AGAP5: variants seen among roughly 807,000 people sequenced by gnomAD.
AGAP5 encodes arf-GAP with GTPase, ANK repeat and PH domain-containing protein 5.
A neutral mutation model predicts 27.7 loss-of-function variants in AGAP5; 8 were observed. That is an observed-to-expected ratio of 0.29 (90% CI 0.17 to 0.52). AGAP5 has a LOEUF of 0.52. Ranked by LOEUF, AGAP5 falls within the 20% of genes least tolerant of loss-of-function variation. The pLI is 0.97. For missense variants in AGAP5, 285 were observed against 880.8 expected (o/e 0.32, Z 8.56); for synonymous variants, 111 against 338.0 (o/e 0.33, Z 7.37).
At chr10:73,677,621 G>A (rs927331796) in intron 6 of AGAP5, among the ~76,000 whole-genome samples, 4 of 151,724 alleles carry the variant, frequency 2.6e-5, no homozygotes, top group Admixed American at 6.6e-5. Flanking sequence ...CCTAACCTCA[G>A]GCGATCCACT....
chr10:73,677,804 A>T (rs577751700), intron 6 of AGAP5, among the ~76,000 whole-genome samples: 1 of 152,200 alleles, frequency 6.6e-6, no homozygotes, highest in East Asian at 1.9e-4. Flanking sequence ...TGATTGTATA[A>T]AAGCAAAAGT....
Position 73,686,563 on chromosome 10 carries a change from A to G in AGAP5, c.397-3769T>C, listed in dbSNP as rs187246148. ...AAACAAATAGGTGAGACTCAACTAAAGAGCTTCTGCACAGGAAGAGGAACA... is the reference window on the plus strand; with the variant it reads ...AAACAAATAGGTGAGACTCAACTAAGGAGCTTCTGCACAGGAAGAGGAACA... On this transcript the variant is annotated intron_variant, in intron 4 of 7. Coordinates refer to ENST00000374094, the MANE Select transcript of AGAP5 (RefSeq NM_001144000.4). Among the ~76,000 whole-genome samples the G allele has an allele frequency of 7.9e-5, 12 of 152,378 alleles. No individual in the cohort carries two copies. The East Asian group carries it at 2.1e-3, about 27-fold the overall frequency.
chr10:73,676,303 A>G (rs2081978793), intron 7 of AGAP5, among the ~76,000 whole-genome samples: 1 of 139,690 alleles, frequency 7.2e-6, no homozygotes, highest in Non-Finnish European at 1.6e-5. Flanking sequence ...AAAAAAAAAA[A>G]AAAAAGAAAA....
At chr10:73,689,010 C>T (rs2082088661) in intron 4 of AGAP5, among the ~76,000 whole-genome samples, 1 of 152,156 alleles carries the variant, frequency 6.6e-6, no homozygotes, top group African/African-American at 2.4e-5. Context: ...GCCTCCGCCT[C>T]TCCCCACAGT....
At chr10:73,686,313 C>T (rs912792360) in intron 4 of AGAP5, among the ~76,000 whole-genome samples, 6 of 152,172 alleles carry the variant, frequency 3.9e-5, no homozygotes, top group Non-Finnish European at 8.8e-5. Context: ...AGAAAGTAAA[C>T]CCTATTCAAC....
At chr10:73,689,198 G>C (rs140479106) in intron 4 of AGAP5, among the ~76,000 whole-genome samples, 8 of 152,250 alleles carry the variant, frequency 5.3e-5, no homozygotes, top group Non-Finnish European at 1.0e-4. Flanking sequence ...TCTGTTGGCC[G>C]GGCTGGTCTC....
chr10:73,694,117 T>C (rs1286382163), intron 3 of AGAP5, among the ~76,000 whole-genome samples: 5 of 152,220 alleles, frequency 3.3e-5, no homozygotes, highest in Non-Finnish European at 7.3e-5. Flanking sequence ...TGTGTATGGC[T>C]TGTTGGCAAA....
intron 4 of AGAP5, among the ~76,000 whole-genome samples, chr10:73,691,370 G>C (rs1340836590): frequency 3.3e-5 from 5 of 152,168 alleles, no homozygotes; most frequent in South Asian, 2.1e-4. Context: ...ATAAGATCAT[G>C]GTGTAGCGGG....
At position 73,675,226 on chromosome 10, in the gene AGAP5, G is replaced by A. The variant is rs1326623701; in HGVS notation, c.1434C>T (p.His478=). 6.4e-7 allele frequency: 1 copy of A among 1,561,072 alleles called. No individual in the cohort carries two copies. The highest frequency in any genetic ancestry group is 2.2e-5 in the East Asian group (1 of 44,850). ...GATTCTGGGTCTCATAGTCCACACA[G>A]TGGGCGTTCCCACGCATGTTTTGGA... ...QSIQNMRGNA[H]CVDYETQNPK... Residue 478 remains histidine, a synonymous_variant, in exon 8 of 8, where the codon CAC becomes CAT. Coordinates refer to ENST00000374094, the MANE Select transcript of AGAP5 (RefSeq NM_001144000.4).
intron 3 of AGAP5, among the ~76,000 whole-genome samples, chr10:73,692,281 CTT>C (rs2082126221): frequency 6.6e-6 from 1 of 151,856 alleles, no homozygotes; most frequent in African/African-American, 2.4e-5. Flanking sequence ...ATTTAGTTTA[CTT>C]TTTGTTTCTA....
intron 6 of AGAP5, among the ~76,000 whole-genome samples, chr10:73,679,339 T>C (rs1347393995): frequency 6.6e-6 from 1 of 152,008 alleles, no homozygotes; most frequent in Non-Finnish European, 1.5e-5. Context: ...AGTTTTTGTA[T>C]TTTTAGTAGA....
chr10:73,698,106 G>C lies in AGAP5; in HGVS notation c.-351C>G, dbSNP rs963480991. The C allele has an allele frequency of 3.9e-6, 5 of 1,270,774 alleles. No individual in the cohort carries two copies. The African/African-American group carries it at 7.6e-5, about 19-fold the overall frequency. 78.7% of individuals were successfully genotyped at this position (1,270,774 alleles called of 1,614,324 possible). On this transcript the variant is annotated 5_prime_UTR_variant, in exon 1 of 8. Coordinates refer to ENST00000374094, the MANE Select transcript of AGAP5 (RefSeq NM_001144000.4). ...CCTCCTCCTTCTGTAGTCACCTACAGACTGAAGCCCACTGGCCCCAGGTGG... is the reference window on the plus strand; with the variant it reads ...CCTCCTCCTTCTGTAGTCACCTACACACTGAAGCCCACTGGCCCCAGGTGG...
chr10:73,697,381 A>C (rs2082169542), intron 1 of AGAP5, among the ~76,000 whole-genome samples, 152 bp downstream of exon 1: 1 of 151,970 alleles, frequency 6.6e-6, no homozygotes, highest in African/African-American at 2.4e-5. Context: ...GTGGGAATTC[A>C]AGGCAGAGCC....
At chr10:73,678,025 T>C (rs1357231073) in intron 6 of AGAP5, among the ~76,000 whole-genome samples, 1 of 152,216 alleles carries the variant, frequency 6.6e-6, no homozygotes, top group East Asian at 1.9e-4. Flanking sequence ...TTTTTTTTTG[T>C]TTTTAAAGAA....
intron 4 of AGAP5, among the ~76,000 whole-genome samples, chr10:73,683,531 G>A (rs1280945818): frequency 5.0e-5 from 6 of 120,704 alleles, no homozygotes; most frequent in African/African-American, 1.6e-4. Flanking sequence ...GCGCGATCTC[G>A]GCTCACTGCA....
chr10:73,674,459 G>T lies in AGAP5; in HGVS notation c.*140C>A. 1 of 1,558,654 alleles carries T rather than the reference G, an allele frequency of 6.4e-7. No individual in the cohort carries two copies. The highest frequency in any genetic ancestry group is 8.7e-7 in the Non-Finnish European group (1 of 1,150,156). On this transcript the variant is annotated 3_prime_UTR_variant, in exon 8 of 8. Coordinates refer to ENST00000374094, the MANE Select transcript of AGAP5 (RefSeq NM_001144000.4). ...TTATGGTCAGAAAAATCAACATTTT[G>T]TGTATTTACTTAGTTTATGAAAAGT...
intron 5 of AGAP5, among the ~76,000 whole-genome samples, chr10:73,680,617 C>T (rs909700263): frequency 2.7e-5 from 4 of 145,666 alleles, no homozygotes; most frequent in African/African-American, 7.7e-5. Flanking sequence ...GGTGGAGTTT[C>T]GCTCTTGTTG....
intron 2 of AGAP5, among the ~76,000 whole-genome samples, chr10:73,695,092 TGAA>T (rs1172242391): frequency 1.3e-5 from 2 of 149,560 alleles, no homozygotes; most frequent in African/African-American, 2.5e-5. Context: ...AAAAAAAAAA[TGAA>T]GAGGTAAATT....
At chr10:73,692,633 ATTTTTTTTTTTTTTTT>A (rs71021562) in intron 3 of AGAP5, among the ~76,000 whole-genome samples, 1 of 77,008 alleles carries the variant, frequency 1.3e-5, no homozygotes, top group African/African-American at 4.8e-5. Flanking sequence ...CCTATCTTAA[ATTTTTTTTTTTTTTTT>A]TTTTTTTTTT....
Sources: allele counts gnomAD v4.1 joint callset (sites outside exome capture counted in the v4.1 genomes callset), GRCh38; gene constraint gnomAD v4.1.1; transcripts MANE v1.5; gene names NCBI Gene and HGNC (gene_info 2026-07-23, HGNC 2026-07-21).